PPP4R3B: variants seen among roughly 807,000 people sequenced by gnomAD.
PPP4R3B encodes the protein serine/threonine-protein phosphatase 4 regulatory subunit 3B.
Under a neutral mutation model 95.4 loss-of-function variants are expected in PPP4R3B, and 52 were observed. The ratio of observed to expected loss-of-function variants is 0.54; its 90% CI spans 0.44 to 0.69. PPP4R3B has a LOEUF of 0.69. Ranked by LOEUF, PPP4R3B falls within the 30% of genes least tolerant of loss-of-function variation. The pLI, the probability that PPP4R3B is intolerant of heterozygous loss-of-function variation, is 0.00. For missense variants in PPP4R3B, 1,003 were observed against 1,005.9 expected (o/e 1.00, Z 0.04); for synonymous variants, 407 against 343.9 (o/e 1.18, Z -2.03).
At chr2:55,600,792 G>T (rs1327709498) in intron 3 of PPP4R3B, among the ~76,000 whole-genome samples, 1 of 151,962 alleles carries the variant, frequency 6.6e-6, no homozygotes, top group Non-Finnish European at 1.5e-5. Context: ...ATGACAAATG[G>T]AAAGGAGAAA....
At position 55,564,360 on chromosome 2, in the gene PPP4R3B, T is replaced by A. The variant is rs1182974565; in HGVS notation, c.2213A>T (p.Glu738Val). The change falls in exon 15 of 17, where the codon GAA becomes GTA. Residue 738 changes from glutamate (E) to valine (V), a missense_variant. Physicochemically the swap from Glu to Val is moderately radical, Grantham distance 121. Coordinates refer to ENST00000616407, the MANE Select transcript of PPP4R3B (RefSeq NM_001122964.3). ...TTCATAATTATCTGGAAAATCATCT[T>A]CTGGCTTAGGTTTTTCCACTGGTGC... The part of the protein sequence containing the change: ...VVAPVEKPKP[E>V]DDFPDNYEKF... The A allele has an allele frequency of 6.2e-7, 1 of 1,613,460 alleles. No individual in the cohort carries two copies. Among genetic ancestry groups the A allele is most frequent in the Admixed American group, 1.7e-5 (1 of 59,898 alleles).
chr2:55,552,897 C>T (rs536069366), intron 16 of PPP4R3B, among the ~76,000 whole-genome samples: 4 of 152,240 alleles, frequency 2.6e-5, no homozygotes, highest in Admixed American at 1.3e-4. Context: ...CAGAGGGATA[C>T]AGAAACGAGA....
intron 4 of PPP4R3B, among the ~76,000 whole-genome samples, chr2:55,589,858 G>C (rs1690720505): frequency 6.8e-6 from 1 of 147,986 alleles, no homozygotes; most frequent in African/African-American, 2.5e-5. Context: ...GGAGCTTGCA[G>C]TGAGCCGAGA....
At chr2:55,578,890 G>A (rs1272378495) in intron 9 of PPP4R3B, among the ~76,000 whole-genome samples, 2 of 152,002 alleles carry the variant, frequency 1.3e-5, no homozygotes, top group Non-Finnish European at 2.9e-5. Context: ...TAAGTTGTAC[G>A]CTTTTCAAAG....
intron 11 of PPP4R3B, among the ~76,000 whole-genome samples, chr2:55,576,295 C>A (rs1009643657): frequency 2.0e-5 from 3 of 152,006 alleles, no homozygotes; most frequent in Admixed American, 2.0e-4. Flanking sequence ...TTGCAGTGAG[C>A]CGAAATTGTG....
intron 11 of PPP4R3B, among the ~76,000 whole-genome samples, chr2:55,574,919 A>G (rs1243418432): frequency 6.9e-6 from 1 of 145,042 alleles, no homozygotes; most frequent in Non-Finnish European, 1.5e-5. Flanking sequence ...ATTTAATATA[A>G]TTTCATATAC....
rs147160618 is a variant in PPP4R3B, at chr2:55,607,368, G to A, written c.199-3292C>T. Among the ~76,000 whole-genome samples, 111 of 152,274 alleles carry A rather than the reference G, an allele frequency of 7.3e-4. 2 individuals are homozygous for A. In the East Asian group the frequency reaches 0.018, roughly 24 times the overall value. The stretch of plus-strand genomic sequence containing the variant: ...CTTCTAATGCCAATTGCAAGCCTGC[G>A]TTGTTTTACCTGTTTCCAACCAAAC... On this transcript the variant is annotated intron_variant, in intron 2 of 16. Coordinates refer to ENST00000616407, the MANE Select transcript of PPP4R3B (RefSeq NM_001122964.3).
intron 16 of PPP4R3B, among the ~76,000 whole-genome samples, chr2:55,556,448 AG>A (rs1015216944): frequency 5.3e-5 from 8 of 152,214 alleles, no homozygotes; most frequent in African/African-American, 1.9e-4. Flanking sequence ...AATGAATAGT[AG>A]GATATAAAAG....
At chr2:55,615,397 T>C (rs1162368542) in intron 2 of PPP4R3B, 54 bp downstream of exon 2, 1 of 1,279,502 alleles carries the variant, frequency 7.8e-7, no homozygotes, top group Non-Finnish European at 1.1e-6. Flanking sequence ...GTCAGATTAA[T>C]ACTTCCTTGA....
Position 55,591,708 on chromosome 2 carries a change from T to C in PPP4R3B, c.922-2752A>G, listed in dbSNP as rs1691049379. On this transcript the variant is annotated intron_variant, in intron 4 of 16. Coordinates refer to ENST00000616407, the MANE Select transcript of PPP4R3B (RefSeq NM_001122964.3). ...CTGATAAGTAGAACTGCATAAAATATTACAGATAGAGGCAATCTCAATTAT... is the reference window on the plus strand; with the variant it reads ...CTGATAAGTAGAACTGCATAAAATACTACAGATAGAGGCAATCTCAATTAT... The C allele has an allele frequency of 5.2e-6, 5 of 957,348 alleles. No homozygotes were observed. The South Asian group carries it at 2.4e-4, about 46-fold the overall frequency. The allele number at this position is 957,348 out of a possible 1,614,324, so 59.3% of individuals were successfully genotyped here.
At chr2:55,589,095 T>C in intron 4 of PPP4R3B, 139 bp from the exon 5 acceptor site, 2 of 558,360 alleles carry the variant, frequency 3.6e-6, no homozygotes, top group Non-Finnish European at 6.1e-6. Context: ...GGTGTATTTC[T>C]GTGTTACAAT....
intron 15 of PPP4R3B, among the ~76,000 whole-genome samples, chr2:55,560,534 T>C (rs1166112073): frequency 6.6e-6 from 1 of 152,104 alleles, no homozygotes; most frequent in East Asian, 1.9e-4. Flanking sequence ...ACACCAGCAC[T>C]TTGGGAGGCT....
At chr2:55,581,835 C>A in intron 7 of PPP4R3B, 137 bp from the exon 8 acceptor site, 1 of 776,464 alleles carries the variant, frequency 1.3e-6, no homozygotes, top group Non-Finnish European at 1.8e-6. Flanking sequence ...ATTTAAACCT[C>A]TATTCCTAAT....
intron 16 of PPP4R3B, among the ~76,000 whole-genome samples, chr2:55,551,678 G>C (rs1420473263): frequency 6.6e-6 from 1 of 151,422 alleles, no homozygotes; most frequent in Non-Finnish European, 1.5e-5. Flanking sequence ...TTGAACCCGG[G>C]AGGCAGAGGC....
intron 2 of PPP4R3B, among the ~76,000 whole-genome samples, chr2:55,608,942 C>T (rs373513317): frequency 2.5e-4 from 38 of 152,184 alleles, no homozygotes; most frequent in African/African-American, 8.7e-4. Flanking sequence ...ATCATGCCAC[C>T]GTGCTTTTGG....
At chr2:55,570,016 C>T (rs1001339464) in intron 12 of PPP4R3B, among the ~76,000 whole-genome samples, 10 of 152,138 alleles carry the variant, frequency 6.6e-5, no homozygotes, top group African/African-American at 2.4e-4. Flanking sequence ...AACATTTGTG[C>T]TGAGGCAGGC....
In PPP4R3B at chr2:55,594,502, T is replaced by C. The variant is rs751881312; in HGVS notation, c.921+3914A>G. 1.3e-3 allele frequency among the ~76,000 whole-genome samples: 203 copies of C among 152,250 alleles called. 1 individual carries two copies. The highest frequency in any genetic ancestry group is 6.2e-4 in the Non-Finnish European group (42 of 68,026). On this transcript the variant is annotated intron_variant, in intron 4 of 16. Transcript: ENST00000616407. The stretch of plus-strand genomic sequence containing the variant: ...TAATTATAGCCTTCACAAATAAACC[T>C]ATTATAAAATACATAAAATGACAAA...
At position 55,549,722 on chromosome 2, in the gene PPP4R3B, G is replaced by T; in HGVS notation, c.*189C>A. 1.8e-6 allele frequency: 1 copy of T among 548,316 alleles called. No individual in the cohort carries two copies. Among genetic ancestry groups the T allele is most frequent in the African/African-American group, 2.0e-5 (1 of 50,894 alleles). The allele number at this position is 548,316 out of a possible 1,614,324, so 34.0% of individuals were successfully genotyped here. A position where few individuals can be genotyped will look rare whatever the true frequency, so the allele number is the denominator to read the frequency against. ...TAAAAGGCAAACCCCTTAATTACTA[G>T]CAAGCAATCAAGTTCCTGGGAAGCC... On this transcript the variant is annotated 3_prime_UTR_variant, in exon 17 of 17. Coordinates refer to ENST00000616407, the MANE Select transcript of PPP4R3B (RefSeq NM_001122964.3).
rs1197005024 is a variant in PPP4R3B at position 55,617,357 on chromosome 2, G to A, written c.-72C>T. 6.2e-6 allele frequency: 9 copies of A among 1,448,652 alleles called. No homozygotes were observed. The highest frequency in any genetic ancestry group is 5.7e-5 in the African/African-American group (4 of 69,748). The allele number at this position is 1,448,652 out of a possible 1,614,324, so 89.7% of individuals were successfully genotyped here. ...TCGTCCGCGCTCCTCACTCTTAGGAGACGGTAAAGGCAGTAGTGGCGGTGG... is the reference window on the plus strand; with the variant it reads ...TCGTCCGCGCTCCTCACTCTTAGGAAACGGTAAAGGCAGTAGTGGCGGTGG... On this transcript the variant is annotated 5_prime_UTR_variant, in exon 1 of 17. Coordinates refer to ENST00000616407, the MANE Select transcript of PPP4R3B (RefSeq NM_001122964.3).
Sources: allele counts gnomAD v4.1 joint callset (sites outside exome capture counted in the v4.1 genomes callset), GRCh38; gene constraint gnomAD v4.1.1; transcripts MANE v1.5; gene names NCBI Gene and HGNC (gene_info 2026-07-23, HGNC 2026-07-21).